BEND6: variants seen among roughly 807,000 people sequenced by gnomAD.
BEND6 encodes BEN domain containing 6, also known as BEN domain-containing protein 6.
A neutral mutation model predicts 31.8 loss-of-function variants in BEND6; 24 were observed. The observed-to-expected ratio is 0.75, with a 90% CI of 0.55 to 1.06. The LOEUF (loss-of-function observed/expected upper bound fraction) is 1.06, where lower values mean the gene tolerates loss of function less well. Ranked by LOEUF, BEND6 falls within the 50% of genes least tolerant of loss-of-function variation. The pLI is 0.00. For synonymous variants in BEND6, 109 were observed against 114.6 expected (o/e 0.95, Z 0.31); for missense variants, 294 against 327.4 (o/e 0.90, Z 0.79).
At chr6:56,989,096 TGTA>T (rs1337732360) in intron 2 of BEND6, among the ~76,000 whole-genome samples, 8 of 150,878 alleles carry the variant, frequency 5.3e-5, no homozygotes, top group Non-Finnish European at 8.9e-5. Context: ...ACAACTATAA[TGTA>T]GTCTCATTAT....
chr6:57,010,437 T>C (rs903866264), intron 3 of BEND6: 1 of 153,634 alleles, frequency 6.5e-6, no homozygotes, highest in Non-Finnish European at 1.4e-5. Flanking sequence ...TAAGGTTTTT[T>C]TAAACGATAT....
At chr6:56,980,016 A>G (rs1044359923) in intron 1 of BEND6, among the ~76,000 whole-genome samples, 1 of 152,208 alleles carries the variant, frequency 6.6e-6, no homozygotes, top group Non-Finnish European at 1.5e-5. Context: ...CACAACTTAA[A>G]CATTCTCCAC....
chr6:56,999,630 C>T (rs1444154863), intron 3 of BEND6, among the ~76,000 whole-genome samples: 1 of 152,192 alleles, frequency 6.6e-6, no homozygotes, highest in African/African-American at 2.4e-5. Flanking sequence ...CCATCCAGCC[C>T]TGCCCATTTT....
chr6:56,988,345 C>G (rs941628780), intron 2 of BEND6, among the ~76,000 whole-genome samples: 1 of 152,020 alleles, frequency 6.6e-6, no homozygotes, highest in Non-Finnish European at 1.5e-5. Context: ...TGAATCTGCT[C>G]TCTACCTTCT....
intron 1 of BEND6, among the ~76,000 whole-genome samples, chr6:56,973,392 C>T (rs1270521113): frequency 1.3e-5 from 2 of 152,104 alleles, no homozygotes; most frequent in Non-Finnish European, 1.5e-5. Context: ...TTCTAAGACC[C>T]CAGTGGATGC....
At chr6:56,963,263 C>T (rs1252750153) in intron 1 of BEND6, among the ~76,000 whole-genome samples, 2 of 152,188 alleles carry the variant, frequency 1.3e-5, no homozygotes, top group East Asian at 3.8e-4. Context: ...TACCCCTACC[C>T]AGATTAATGA....
At chr6:56,962,103 T>C (rs1825307421) in intron 1 of BEND6, among the ~76,000 whole-genome samples, 2 of 152,166 alleles carry the variant, frequency 1.3e-5, no homozygotes, top group Admixed American at 1.3e-4. Context: ...AAAGAGCTAG[T>C]TCAGCCTCCT....
At chr6:56,968,081 G>A (rs570921204) in intron 1 of BEND6, among the ~76,000 whole-genome samples, 2 of 152,220 alleles carry the variant, frequency 1.3e-5, no homozygotes, top group South Asian at 2.1e-4. Context: ...TGTCATATAG[G>A]TCAGTATAGG....
intron 2 of BEND6, among the ~76,000 whole-genome samples, chr6:56,987,479 G>A (rs1826325574): frequency 6.6e-6 from 1 of 152,188 alleles, no homozygotes; most frequent in Non-Finnish European, 1.5e-5. Flanking sequence ...CTGAACATGA[G>A]GACTCTTTAG....
At chr6:56,973,458 C>A (rs1169737770) in intron 1 of BEND6, among the ~76,000 whole-genome samples, 1 of 152,042 alleles carries the variant, frequency 6.6e-6, no homozygotes, top group East Asian at 1.9e-4. Flanking sequence ...CTATACATAC[C>A]TATGATAATG....
At chr6:57,023,042 A>G (rs1245859856) in intron 6 of BEND6, among the ~76,000 whole-genome samples, 1 of 152,188 alleles carries the variant, frequency 6.6e-6, no homozygotes, top group Non-Finnish European at 1.5e-5. Context: ...TGTGGCCTAG[A>G]TATAGCCTAT....
chr6:56,981,870 G>A lies in BEND6; in HGVS notation c.60G>A (p.Lys20=). The change falls in exon 2 of 7, where the codon AAG becomes AAA. Residue 20 remains lysine, a synonymous_variant. Coordinates refer to ENST00000370746, the MANE Select transcript of BEND6 (RefSeq NM_152731.3). ...ITNTQAFRKG[K]RKRTETMDSE... ...ATACACAAGCTTTTAGAAAAGGAAA[G>A]AGGAAAAGAACAGAGACAATGGACT... 1.2e-6 allele frequency: 2 copies of A among 1,613,222 alleles called. No individual in the cohort carries two copies. Among genetic ancestry groups the A allele is most frequent in the Non-Finnish European group, 8.5e-7 (1 of 1,179,568 alleles).
chr6:56,994,241 A>C (rs1341494216), intron 3 of BEND6, among the ~76,000 whole-genome samples: 2 of 151,850 alleles, frequency 1.3e-5, no homozygotes, highest in Middle Eastern at 3.4e-3. Context: ...GGGTGGATCA[A>C]GAGGTCAGGA....
In BEND6 at chr6:56,981,822, C is replaced by T. The variant is rs762825918; in HGVS notation, c.12C>T (p.Ile4=). The change falls in exon 2 of 7, where the codon ATC becomes ATT. Residue 4 remains isoleucine (I), a synonymous_variant. Transcript: ENST00000370746. The stretch of plus-strand genomic sequence containing the variant: ...AACTAATTGAGAAAATGCAGAAGAT[C>T]GTGCAGACAGATGAAATTACCAATA... The part of the protein sequence containing the change: MQK[I]VQTDEITNTQ... 2.4e-5 allele frequency: 39 copies of T among 1,611,608 alleles called. No individual in the cohort carries two copies. The highest frequency in any genetic ancestry group is 1.7e-4 in the Middle Eastern group (1 of 6,048).
intron 3 of BEND6, chr6:57,014,592 A>G (rs1827464258): frequency 3.4e-6 from 4 of 1,180,940 alleles, no homozygotes; most frequent in Admixed American, 2.9e-5. Context: ...CATCTTTAAT[A>G]TATCACAACA....
intron 1 of BEND6, among the ~76,000 whole-genome samples, chr6:56,976,783 T>C (rs1825893121): frequency 6.6e-6 from 1 of 152,118 alleles, no homozygotes; most frequent in African/African-American, 2.4e-5. Context: ...CAAGCTGGCC[T>C]TGAATTACTG....
At chr6:56,956,592 A>G (rs938126208) in intron 1 of BEND6, among the ~76,000 whole-genome samples, 1 of 152,214 alleles carries the variant, frequency 6.6e-6, no homozygotes, top group Non-Finnish European at 1.5e-5. Context: ...CATCTCATTC[A>G]TTCAGTTGTT....
At position 57,015,308 on chromosome 6, in the gene BEND6, A is replaced by G. The variant is rs1051870217; in HGVS notation, c.474A>G (p.Pro158=). 2 of 1,614,190 alleles carry G rather than the reference A, an allele frequency of 1.2e-6. No homozygotes were observed. Among genetic ancestry groups the G allele is most frequent in the South Asian group, 1.1e-5 (1 of 91,074 alleles). ...CSNSNSNSSS[P]VSLKPEEEHQ... ...ATTCTAATTCTAACTCCAGTTCACCAGTTTCCTTAAAGCCTGAGGAAGAGC... is the reference window on the plus strand; with the variant it reads ...ATTCTAATTCTAACTCCAGTTCACCGGTTTCCTTAAAGCCTGAGGAAGAGC... The change falls in exon 4 of 7, where the codon CCA becomes CCG. Residue 158 remains proline, a synonymous_variant. Transcript: ENST00000370746.
intron 1 of BEND6, among the ~76,000 whole-genome samples, chr6:56,956,877 C>G (rs1407141747): frequency 6.6e-6 from 1 of 152,230 alleles, no homozygotes; most frequent in African/African-American, 2.4e-5. Context: ...AGGAAGAATT[C>G]TCCACCGCAT....
Sources: allele counts gnomAD v4.1 joint callset (sites outside exome capture counted in the v4.1 genomes callset), GRCh38; gene constraint gnomAD v4.1.1; transcripts MANE v1.5; gene names NCBI Gene and HGNC (gene_info 2026-07-23, HGNC 2026-07-21).